Variants in ELOVL6 observed in about 807,000 individuals in gnomAD.
The protein encoded by ELOVL6 is very long chain fatty acid elongase 6.
Under a neutral mutation model 31.7 loss-of-function variants are expected in ELOVL6, and 8 were observed. That is an observed-to-expected ratio of 0.25 (90% CI 0.15 to 0.45). The LOEUF is 0.45. Ranked by LOEUF, ELOVL6 falls within the 20% of genes least tolerant of loss-of-function variation. ELOVL6 has a pLI of 1.00. For synonymous variants in ELOVL6, 101 were observed against 117.7 expected (o/e 0.86, Z 0.92); for missense variants, 126 against 326.4 (o/e 0.39, Z 4.73).
intron 1 of ELOVL6, among the ~76,000 whole-genome samples, chr4:110,140,556 CT>C (rs1036976414): frequency 6.6e-6 from 1 of 151,960 alleles, no homozygotes; most frequent in African/African-American, 2.4e-5. Flanking sequence ...CACCATGCTT[CT>C]TTTTAATTTT....
chr4:110,140,485 G>A (rs1218740841), intron 1 of ELOVL6, among the ~76,000 whole-genome samples: 1 of 152,000 alleles, frequency 6.6e-6, no homozygotes, highest in Admixed American at 6.6e-5. Context: ...CTGAAGTGCA[G>A]TGGTGCAATC....
intron 1 of ELOVL6, 34 bp from the exon 2 acceptor site, chr4:110,105,662 TTTAGTCA>T: frequency 1.3e-6 from 2 of 1,597,458 alleles, no homozygotes; most frequent in Non-Finnish European, 8.5e-7. Flanking sequence ...TTAAGATATT[TTTAGTCA>T]TTAGGAAACA....
chr4:110,084,369 G>GATATATGATATATATAAC (rs1560815068), intron 2 of ELOVL6, among the ~76,000 whole-genome samples: 4 of 34,714 alleles, frequency 1.2e-4, no homozygotes, highest in African/African-American at 4.3e-4. Context: ...CCGCATATAT[G>GATATATGATATATATAAC]ATATATGATA....
At chr4:110,164,404 A>G (rs940285054) in intron 1 of ELOVL6, among the ~76,000 whole-genome samples, 1 of 152,170 alleles carries the variant, frequency 6.6e-6, no homozygotes, top group African/African-American at 2.4e-5. Flanking sequence ...GCTAGGCACT[A>G]AGGAAACACT....
intron 1 of ELOVL6, among the ~76,000 whole-genome samples, chr4:110,124,807 C>T (rs747458468): frequency 1.3e-5 from 2 of 152,072 alleles, no homozygotes; most frequent in Non-Finnish European, 2.9e-5. Flanking sequence ...CTTGAAGAAA[C>T]TGCCAGGATT....
intron 1 of ELOVL6, among the ~76,000 whole-genome samples, chr4:110,142,062 CTAACT>C (rs1178651827): frequency 7.4e-5 from 10 of 134,492 alleles, no homozygotes; most frequent in Admixed American, 6.1e-4. Flanking sequence ...CCACCCCTTA[CTAACT>C]TTTTTTTTTT....
chr4:110,116,288 G>A (rs556036532), intron 1 of ELOVL6, among the ~76,000 whole-genome samples: 2 of 152,258 alleles, frequency 1.3e-5, no homozygotes, highest in South Asian at 4.2e-4. Context: ...AAGATCTAAA[G>A]CCATTCTTCT....
Position 110,046,438 on chromosome 4 carries a change from C to T in ELOVL6, c.*4900G>A, listed in dbSNP as rs755526600. The stretch of plus-strand genomic sequence containing the variant: ...GCCACTTTTGAGCTCTCCCAAGCCC[C>T]ACTCACGAATGTGCTCCCACTGTCC... On this transcript the variant is annotated 3_prime_UTR_variant, in exon 4 of 4. Coordinates refer to ENST00000302274, the MANE Select transcript of ELOVL6 (RefSeq NM_024090.3). 5 of 152,192 alleles carry T rather than the reference C, an allele frequency of 3.3e-5. No individual in the cohort carries two copies. Among genetic ancestry groups the T allele is most frequent in the African/African-American group, 4.8e-5 (2 of 41,438 alleles). 9.4% of individuals were successfully genotyped at this position (152,192 alleles called of 1,614,324 possible).
chr4:110,077,333 A>AC (rs966621208), intron 2 of ELOVL6, among the ~76,000 whole-genome samples: 4 of 151,990 alleles, frequency 2.6e-5, no homozygotes, highest in African/African-American at 4.8e-5. Context: ...ACTAGGAGGC[A>AC]CCCCCCAGTA....
chr4:110,174,601 T>C (rs1759046307), intron 1 of ELOVL6, among the ~76,000 whole-genome samples: 1 of 152,196 alleles, frequency 6.6e-6, no homozygotes, highest in South Asian at 2.1e-4. Flanking sequence ...AAGTTTTCTA[T>C]TGACCTTAGA....
At chr4:110,101,330 A>G (rs1756734725) in intron 2 of ELOVL6, among the ~76,000 whole-genome samples, 1 of 152,060 alleles carries the variant, frequency 6.6e-6, no homozygotes, top group African/African-American at 2.4e-5. Flanking sequence ...GTGAGCCACC[A>G]CGCCTGGCCA....
chr4:110,174,615 C>A (rs1759046545), intron 1 of ELOVL6, among the ~76,000 whole-genome samples: 1 of 152,084 alleles, frequency 6.6e-6, no homozygotes, highest in Admixed American at 6.6e-5. Flanking sequence ...CCTTAGAATT[C>A]CTGATGTGCT....
chr4:110,093,122 G>C, intron 2 of ELOVL6: 1 of 452,868 alleles, frequency 2.2e-6, no homozygotes, highest in South Asian at 1.6e-5. Flanking sequence ...GCTGTTTCAA[G>C]TTGTTATAGC....
chr4:110,159,941 C>G (rs1758582033), intron 1 of ELOVL6, among the ~76,000 whole-genome samples: 1 of 152,240 alleles, frequency 6.6e-6, no homozygotes, highest in Middle Eastern at 3.4e-3. Context: ...ATTTCCTTTC[C>G]TGTGAACTTT....
At chr4:110,094,402 GAA>G (rs1756505232) in intron 2 of ELOVL6, among the ~76,000 whole-genome samples, 1 of 24,360 alleles carries the variant, frequency 4.1e-5, no homozygotes. Flanking sequence ...TACTTAAAAA[GAA>G]ATATATATAT....
At chr4:110,158,635 G>GTATATATA (rs780807092) in intron 1 of ELOVL6, among the ~76,000 whole-genome samples, 62 of 81,556 alleles carry the variant, frequency 7.6e-4, no homozygotes, top group African/African-American at 2.8e-3. Context: ...ATATACACGT[G>GTATATATA]TATATATATA....
intron 1 of ELOVL6, among the ~76,000 whole-genome samples, chr4:110,194,640 G>A (rs533722031): frequency 5.9e-5 from 9 of 152,206 alleles, no homozygotes; most frequent in African/African-American, 2.2e-4. Context: ...TCCAAAAGTC[G>A]GGCCCCATTC....
intron 2 of ELOVL6, among the ~76,000 whole-genome samples, chr4:110,070,210 A>C (rs1245533603): frequency 2.0e-5 from 3 of 152,224 alleles, no homozygotes; most frequent in Non-Finnish European, 4.4e-5. Flanking sequence ...CTACAAATGG[A>C]AAGAACAGTG....
intron 1 of ELOVL6, among the ~76,000 whole-genome samples, chr4:110,179,799 T>C (rs929218605): frequency 2.0e-5 from 3 of 152,216 alleles, no homozygotes; most frequent in African/African-American, 4.8e-5. Flanking sequence ...CATCTAGATA[T>C]GATAAACTAT....
Sources: allele counts gnomAD v4.1 joint callset (sites outside exome capture counted in the v4.1 genomes callset), GRCh38; gene constraint gnomAD v4.1.1; transcripts MANE v1.5; gene names NCBI Gene and HGNC (gene_info 2026-07-23, HGNC 2026-07-21).